Variants in SPG7 observed in about 807,000 individuals in gnomAD.
SPG7 encodes the protein mitochondrial inner membrane m-AAA protease component paraplegin.
SPG7 carries 103 observed loss-of-function variants against 81.9 expected under a neutral mutation model. That is an observed-to-expected ratio of 1.26 (90% CI 1.07 to 1.48). The LOEUF is 1.48. Ranked by LOEUF, SPG7 falls within the 40% of genes most tolerant of loss-of-function variation. The pLI is 0.00. For missense variants in SPG7, 1,241 were observed against 1,087.3 expected (o/e 1.14, Z -1.99); for synonymous variants, 534 against 444.2 (o/e 1.20, Z -2.54).
intron 5 of SPG7, among the ~76,000 whole-genome samples, chr16:89,528,234 C>CA (rs1291450142): frequency 6.6e-6 from 1 of 150,786 alleles, no homozygotes; most frequent in Non-Finnish European, 1.5e-5. Context: ...ACTAAAAATA[C>CA]AAAAAAAATT....
intron 9 of SPG7, chr16:89,533,466 C>G (rs1351593812): frequency 6.6e-6 from 1 of 151,432 alleles, no homozygotes; most frequent in Non-Finnish European, 1.5e-5. Context: ...AGCACCCAGG[C>G]TTTTTTTTTC....
chr16:89,508,689 C>T (rs770164864), intron 1 of SPG7, 89 bp downstream of exon 1: 81 of 1,307,168 alleles, frequency 6.2e-5, no homozygotes, highest in Middle Eastern at 4.8e-4. Flanking sequence ...GGCCGCCTGG[C>T]CCCTGCGGCG....
chr16:89,527,044 C>A (rs1486574306), intron 5 of SPG7: 1 of 222,786 alleles, frequency 4.5e-6, no homozygotes, highest in Non-Finnish European at 9.2e-6. Flanking sequence ...TAAGAACATT[C>A]TCTGATATGC....
chr16:89,512,147 G>A (rs1292030805), intron 2 of SPG7, among the ~76,000 whole-genome samples: 2 of 152,062 alleles, frequency 1.3e-5, no homozygotes, highest in Admixed American at 6.6e-5. Context: ...TCCTGACCTC[G>A]TGATCCACCC....
At chr16:89,508,728 TCC>T in intron 1 of SPG7, 128 bp downstream of exon 1, 2 of 1,018,276 alleles carry the variant, frequency 2.0e-6, no homozygotes, top group Non-Finnish European at 1.5e-6. Flanking sequence ...GGCCCGCGGA[TCC>T]CCCAGCTGTG....
chr16:89,550,150 T>C lies in SPG7; in HGVS notation c.1664-344T>C, dbSNP rs7359417. On this transcript the variant is annotated intron_variant, in intron 12 of 16. Coordinates refer to ENST00000645818, the MANE Select transcript of SPG7 (RefSeq NM_003119.4). ...GGGCCCAGCCAGGGAGAGGCCGGGG[T>C]CTCAGCTCACCCCCCCGTCATTCTT... The C allele has an allele frequency of 0.17, 61,568 of 353,886 alleles. 5,540 individuals carry two copies. The highest frequency in any genetic ancestry group is 0.21 in the Middle Eastern group (205 of 974). The allele number at this position is 353,886 out of a possible 1,614,324, so 21.9% of individuals were successfully genotyped here. A position where few individuals can be genotyped will look rare whatever the true frequency, so the allele number is the denominator to read the frequency against.
At position 89,524,259 on chromosome 16, in the gene SPG7, T is replaced by C. The variant is rs3803679; in HGVS notation, c.618+12T>C. On this transcript the variant is annotated intron_variant, in intron 4 of 16. Transcript: ENST00000645818. ...TGTTTGGGCGGCCTGTGAGTGAGGG[T>C]GCGGGAGGCCTGTGAGTGAGGGTGT... The C allele has an allele frequency of 0.45, 721,264 of 1,604,872 alleles. 165,514 individuals carry two copies. The highest frequency in any genetic ancestry group is 0.69 in the East Asian group (30,717 of 44,688).
At chr16:89,527,927 T>G (rs2058285544) in intron 5 of SPG7, among the ~76,000 whole-genome samples, 1 of 151,016 alleles carries the variant, frequency 6.6e-6, no homozygotes, top group Non-Finnish European at 1.5e-5. Flanking sequence ...GAACCCCATC[T>G]CTACAGAAAA....
Position 89,508,559 on chromosome 16 carries a change from C to A in SPG7, c.142C>A (p.Pro48Thr). 3.3e-6 allele frequency: 5 copies of A among 1,498,016 alleles called. No homozygotes were observed. The highest frequency in any genetic ancestry group is 4.4e-6 in the Non-Finnish European group (5 of 1,129,404). 92.8% of individuals were successfully genotyped at this position (1,498,016 alleles called of 1,614,324 possible). ...GRGRPYMASR[P>T]PGDLAEAGGR... is the part of the protein sequence containing the mutation. Reference sequence around the variant, plus strand: ...GGGGCGGCCGTACATGGCCAGCAGGCCTCCGGGGGACCTCGCCGAGGCTGG... The same window carrying A: ...GGGGCGGCCGTACATGGCCAGCAGGACTCCGGGGGACCTCGCCGAGGCTGG... Residue 48 changes from proline to threonine, a missense_variant, in exon 1 of 17, where the codon CCT (proline) becomes ACT (threonine). Pro to Thr is a conservative substitution (Grantham distance 38). Transcript: ENST00000645818.
rs1458980927 is a variant in SPG7, at chr16:89,544,733, A to G, written c.1410A>G (p.Arg470=). ...ACGGTGCTCTGATGAGGCCAGGCCG[A>G]CTGGACCGGCACGTCTTCATTGATC... ...ILDGALMRPG[R]LDRHVFIDLP... is the part of the protein sequence containing the mutation. The change falls in exon 10 of 17, where the codon CGA becomes CGG. Residue 470 remains arginine, a synonymous_variant. Coordinates refer to ENST00000645818, the MANE Select transcript of SPG7 (RefSeq NM_003119.4). The G allele has an allele frequency of 1.9e-6, 3 of 1,614,012 alleles. No homozygotes were observed. In the East Asian group the frequency reaches 6.7e-5, roughly 36 times the overall value.
At chr16:89,530,425 T>C in intron 6 of SPG7, 1 of 521,314 alleles carries the variant, frequency 1.9e-6, no homozygotes, top group East Asian at 3.6e-5. Flanking sequence ...ATTACAGGCG[T>C]GAGCCACCAT....
intron 4 of SPG7, among the ~76,000 whole-genome samples, chr16:89,524,886 C>T (rs915433740): frequency 7.2e-5 from 11 of 151,970 alleles, no homozygotes; most frequent in Non-Finnish European, 8.8e-5. Context: ...TGACCGTGGC[C>T]TCCACCAGAG....
chr16:89,516,912 CAAAAAAA>C (rs549288254), intron 3 of SPG7: 12 of 147,882 alleles, frequency 8.1e-5, no homozygotes, highest in East Asian at 5.9e-4. Context: ...ACTCTTGTCT[CAAAAAAA>C]AAGAAAAAAG....
intron 2 of SPG7, among the ~76,000 whole-genome samples, chr16:89,511,180 T>C (rs953832043): frequency 6.6e-6 from 1 of 152,208 alleles, no homozygotes; most frequent in Non-Finnish European, 1.5e-5. Flanking sequence ...ATTCCAGTAA[T>C]TGGGCTGCTT....
intron 5 of SPG7, among the ~76,000 whole-genome samples, chr16:89,527,961 C>G (rs995481806): frequency 2.6e-5 from 4 of 151,772 alleles, no homozygotes; most frequent in Non-Finnish European, 5.9e-5. Flanking sequence ...ACCTTTAATT[C>G]TATAACCCAG....
At chr16:89,549,244 T>C (rs905272603) in intron 12 of SPG7, 1 of 456,920 alleles carries the variant, frequency 2.2e-6, no homozygotes, top group Non-Finnish European at 4.4e-6. Flanking sequence ...CATGACGTAC[T>C]TGAGTGCTCA....
chr16:89,521,087 C>G (rs890787457), intron 3 of SPG7: 1 of 152,254 alleles, frequency 6.6e-6, no homozygotes, highest in Non-Finnish European at 1.5e-5. Context: ...CCTGCGGTGC[C>G]TTCACTTGTG....
intron 5 of SPG7, 102 bp downstream of exon 5, chr16:89,526,570 G>A: frequency 7.5e-7 from 1 of 1,325,872 alleles, no homozygotes; most frequent in Non-Finnish European, 1.1e-6. Flanking sequence ...TTTGCCTATA[G>A]TTAACTAGAC....
intron 10 of SPG7, chr16:89,546,449 A>T (rs2058564254): frequency 1.3e-5 from 7 of 551,524 alleles, no homozygotes; most frequent in South Asian, 1.3e-4. Flanking sequence ...AGGCCGAGGC[A>T]GGTGGATCAC....
Sources: allele counts gnomAD v4.1 joint callset (sites outside exome capture counted in the v4.1 genomes callset), GRCh38; gene constraint gnomAD v4.1.1; transcripts MANE v1.5; gene names NCBI Gene and HGNC (gene_info 2026-07-23, HGNC 2026-07-21).